Variants in TMTC1 observed in about 807,000 individuals in gnomAD.
TMTC1 encodes the protein protein O-mannosyl-transferase TMTC1.
A neutral mutation model predicts 104.8 loss-of-function variants in TMTC1; 73 were observed. That is an observed-to-expected ratio of 0.70 (90% CI 0.58 to 0.85). The LOEUF (loss-of-function observed/expected upper bound fraction) is 0.85. Ranked by LOEUF, TMTC1 falls within the 40% of genes least tolerant of loss-of-function variation. The pLI, the probability that TMTC1 is intolerant of heterozygous loss-of-function variation, is 0.00. For missense variants in TMTC1, 1,035 were observed against 1,096.1 expected (o/e 0.94, Z 0.79); for synonymous variants, 434 against 428.7 (o/e 1.01, Z -0.15).
intron 7 of TMTC1, among the ~76,000 whole-genome samples, chr12:29,590,376 C>G (rs1367274102): frequency 6.6e-6 from 1 of 152,174 alleles, no homozygotes; most frequent in East Asian, 1.9e-4. Context: ...ATAACCCACA[C>G]CCTGCAGCTT....
intron 7 of TMTC1, among the ~76,000 whole-genome samples, chr12:29,588,140 T>C (rs1007162966): frequency 2.6e-5 from 4 of 152,172 alleles, no homozygotes; most frequent in African/African-American, 9.7e-5. Flanking sequence ...CTGAGGAGGA[T>C]GATTTGAGCT....
intron 3 of TMTC1, 23 bp from the exon 4 acceptor site, chr12:29,755,908 T>C (rs772885693): frequency 1.2e-6 from 2 of 1,609,974 alleles, no homozygotes; most frequent in Non-Finnish European, 1.7e-6. Flanking sequence ...TTGGAGATTC[T>C]TTTAATCTAA....
At chr12:29,677,897 T>C (rs1282867721) in intron 5 of TMTC1, among the ~76,000 whole-genome samples, 2 of 152,254 alleles carry the variant, frequency 1.3e-5, no homozygotes, top group Non-Finnish European at 2.9e-5. Flanking sequence ...TTATTGTTGT[T>C]AATCTCTTAC....
At chr12:29,601,998 G>A (rs533613259) in intron 7 of TMTC1, among the ~76,000 whole-genome samples, 8 of 151,862 alleles carry the variant, frequency 5.3e-5, no homozygotes, top group South Asian at 2.1e-4. Flanking sequence ...ACCGTGCCTG[G>A]CTAATTTTTG....
intron 7 of TMTC1, among the ~76,000 whole-genome samples, chr12:29,601,558 TGTAATTGAGAA>T (rs893902802): frequency 2.0e-5 from 3 of 151,584 alleles, no homozygotes; most frequent in African/African-American, 7.3e-5. Flanking sequence ...CTTCTTATTT[TGTAATTGAGAA>T]GAATACTAAG....
chr12:29,673,411 A>G (rs1940592592), intron 5 of TMTC1, among the ~76,000 whole-genome samples: 1 of 152,168 alleles, frequency 6.6e-6, no homozygotes, highest in Admixed American at 6.5e-5. Context: ...GAAAATCAGA[A>G]ATCCATAATA....
At chr12:29,710,916 A>AATATAT (rs3042145) in intron 5 of TMTC1, among the ~76,000 whole-genome samples, 6,712 of 52,210 alleles carry the variant, frequency 0.13, 227 homozygotes, top group Middle Eastern at 0.33. Flanking sequence ...ATAATATATA[A>AATATAT]ATATATATAA....
At chr12:29,702,069 T>C (rs1019387620) in intron 5 of TMTC1, among the ~76,000 whole-genome samples, 10 of 152,222 alleles carry the variant, frequency 6.6e-5, no homozygotes, top group Non-Finnish European at 1.3e-4. Context: ...GAATATATAC[T>C]ATAATTTATT....
intron 1 of TMTC1, among the ~76,000 whole-genome samples, chr12:29,774,117 G>T (rs1188145218): frequency 6.6e-6 from 1 of 152,064 alleles, no homozygotes; most frequent in Non-Finnish European, 1.5e-5. Flanking sequence ...TCTACATTAT[G>T]CCAGGGAGAT....
intron 7 of TMTC1, among the ~76,000 whole-genome samples, chr12:29,600,316 C>T (rs1946531498): frequency 6.6e-6 from 1 of 152,018 alleles, no homozygotes; most frequent in Admixed American, 6.6e-5. Flanking sequence ...AAGACAGGGA[C>T]AGCTCATCAC....
chr12:29,551,795 T>TC (rs1261271102), intron 10 of TMTC1, among the ~76,000 whole-genome samples: 1 of 151,866 alleles, frequency 6.6e-6, no homozygotes, highest in Non-Finnish European at 1.5e-5. Context: ...TTCTTTTTTT[T>TC]TTTTTTTTGA....
intron 6 of TMTC1, among the ~76,000 whole-genome samples, chr12:29,630,993 G>C (rs1489891916): frequency 6.6e-6 from 1 of 152,118 alleles, no homozygotes; most frequent in Non-Finnish European, 1.5e-5. Flanking sequence ...TTAATTTGAA[G>C]TTCTCTAATG....
At chr12:29,779,361 A>G (rs1943782022) in intron 1 of TMTC1, among the ~76,000 whole-genome samples, 1 of 152,246 alleles carries the variant, frequency 6.6e-6, no homozygotes, top group South Asian at 2.1e-4. Flanking sequence ...CAACTTAGCT[A>G]AAGTGACATA....
At chr12:29,635,169 TA>T (rs1938485938) in intron 5 of TMTC1, among the ~76,000 whole-genome samples, 2 of 151,428 alleles carry the variant, frequency 1.3e-5, no homozygotes, top group African/African-American at 4.9e-5. Flanking sequence ...CAGGCTTTGT[TA>T]TTTAACAACA....
chr12:29,630,018 AGTTATATATTTTG>A (rs751046895), intron 6 of TMTC1, among the ~76,000 whole-genome samples: 1 of 152,180 alleles, frequency 6.6e-6, no homozygotes, highest in Non-Finnish European at 1.5e-5. Context: ...ACCCATTTTA[AGTTATATATTTTG>A]GTGAGTTTCA....
intron 5 of TMTC1, among the ~76,000 whole-genome samples, chr12:29,649,355 C>CA (rs1939414354): frequency 1.3e-5 from 2 of 152,282 alleles, no homozygotes; most frequent in South Asian, 4.1e-4. Context: ...AGAGCAACTA[C>CA]AAAGAAGATA....
chr12:29,510,642 T>C (rs1429845100), intron 17 of TMTC1, among the ~76,000 whole-genome samples: 3 of 152,174 alleles, frequency 2.0e-5, no homozygotes, highest in African/African-American at 7.2e-5. Flanking sequence ...GGTCATCTTT[T>C]TTGTGTGTGT....
At chr12:29,689,543 G>A (rs546974928) in intron 5 of TMTC1, among the ~76,000 whole-genome samples, 18 of 152,288 alleles carry the variant, frequency 1.2e-4, no homozygotes, top group Non-Finnish European at 2.2e-4. Context: ...TCGAACTCCC[G>A]ACCTCGTGAT....
At chr12:29,765,757 T>C (rs1215072860) in intron 2 of TMTC1, among the ~76,000 whole-genome samples, 1 of 152,210 alleles carries the variant, frequency 6.6e-6, no homozygotes, top group African/African-American at 2.4e-5. Flanking sequence ...TCTTACCTTT[T>C]GTTAGACTAT....
Sources: allele counts gnomAD v4.1 joint callset (sites outside exome capture counted in the v4.1 genomes callset), GRCh38; gene constraint gnomAD v4.1.1; transcripts MANE v1.5; gene names NCBI Gene and HGNC (gene_info 2026-07-23, HGNC 2026-07-21).